PHLPP1: variants seen among roughly 807,000 people sequenced by gnomAD.
PHLPP1 encodes the protein PH domain and leucine rich repeat protein phosphatase 1, also known as PH domain leucine-rich repeat-containing protein phosphatase 1.
Under a neutral mutation model 117.2 loss-of-function variants are expected in PHLPP1, and 42 were observed. That is an observed-to-expected ratio of 0.36 (90% confidence interval 0.28 to 0.46). PHLPP1 has a LOEUF of 0.46. Among genes scored for constraint, PHLPP1 ranks in the 20% least tolerant of loss-of-function variants. PHLPP1 has a pLI of 1.00. For synonymous variants in PHLPP1, 1,042 were observed against 970.7 expected (o/e 1.07, Z -1.37); for missense variants, 2,084 against 2,241.9 (o/e 0.93, Z 1.42).
At chr18:62,796,599 G>A (rs1390415498) in intron 1 of PHLPP1, among the ~76,000 whole-genome samples, 1 of 152,188 alleles carries the variant, frequency 6.6e-6, no homozygotes, top group African/African-American at 2.4e-5. Context: ...ACAGATGGAA[G>A]TATTTGAATA....
rs954287079 is a variant in PHLPP1, at chr18:62,918,853, CAA to C, written c.2805-1096_2805-1095del. ...GGAGTAGATATAAATGTTCTCATCA[CAA>C]AAAAAAAAAGATAAATATGTGAGGT... is the stretch of plus-strand genomic sequence containing the variant. On this transcript the variant is annotated intron_variant, in intron 9 of 16. Coordinates refer to ENST00000262719, the MANE Select transcript of PHLPP1 (RefSeq NM_194449.4). Among the ~76,000 whole-genome samples, 4 of 134,730 alleles carry C rather than the reference CAA, an allele frequency of 3.0e-5. No homozygotes were observed. In the Admixed American group the frequency reaches 3.0e-4, roughly 10 times the overall value. 88.4% of individuals were successfully genotyped at this position (134,730 alleles called of 152,430 possible). A position where few individuals can be genotyped will look rare whatever the true frequency, so the allele number is the denominator to read the frequency against.
intron 1 of PHLPP1, among the ~76,000 whole-genome samples, chr18:62,745,778 G>C (rs1402542475): frequency 6.6e-6 from 1 of 152,118 alleles, no homozygotes; most frequent in Non-Finnish European, 1.5e-5. Flanking sequence ...CTCTTTTAGT[G>C]ACTGAATTGA....
At chr18:62,822,268 T>TTTTTTTG (rs1914483046) in intron 1 of PHLPP1, among the ~76,000 whole-genome samples, 2 of 146,488 alleles carry the variant, frequency 1.4e-5, no homozygotes, top group Non-Finnish European at 3.0e-5. Context: ...AAATAGTGTT[T>TTTTTTTG]TTTTTTTTTT....
At position 62,934,342 on chromosome 18, in the gene PHLPP1, T is replaced by C. The variant is rs560476222; in HGVS notation, c.2961-7376T>C. Among the ~76,000 whole-genome samples, 333 of 152,176 alleles carry C rather than the reference T, an allele frequency of 2.2e-3. 3 individuals carry two copies. Among genetic ancestry groups the C allele is most frequent in the African/African-American group, 7.5e-3 (312 of 41,532 alleles). ...AACCTATGTACCCGTCGGTGGTGAATTGGATAAAGAAAATATGGTACATAT... is the reference window on the plus strand; with the variant it reads ...AACCTATGTACCCGTCGGTGGTGAACTGGATAAAGAAAATATGGTACATAT... On this transcript the variant is annotated intron_variant, in intron 10 of 16. Transcript: ENST00000262719.
At chr18:62,837,618 C>T (rs1568133284) in intron 2 of PHLPP1, 1 of 150,642 alleles carries the variant, frequency 6.6e-6, no homozygotes. Flanking sequence ...TTATCATAGC[C>T]TTCTTTCAAT....
At chr18:62,900,904 TA>T (rs1293073158) in intron 6 of PHLPP1, among the ~76,000 whole-genome samples, 2 of 152,214 alleles carry the variant, frequency 1.3e-5, no homozygotes, top group African/African-American at 4.8e-5. Context: ...AGTCATGCTG[TA>T]CACAATAAAT....
chr18:62,919,830 G>C, intron 9 of PHLPP1, 129 bp from the exon 10 acceptor site: 1 of 684,514 alleles, frequency 1.5e-6, no homozygotes. Flanking sequence ...GAAACAAATA[G>C]TTTCAAGTTT....
chr18:62,918,853 CAAAA>C (rs954287079), intron 9 of PHLPP1, among the ~76,000 whole-genome samples: 3 of 134,746 alleles, frequency 2.2e-5, no homozygotes, highest in Admixed American at 1.5e-4. Context: ...GTTCTCATCA[CAAAA>C]AAAAAAAGAT....
chr18:62,811,862 C>A (rs953077964), intron 1 of PHLPP1, among the ~76,000 whole-genome samples: 1 of 152,086 alleles, frequency 6.6e-6, no homozygotes, highest in Non-Finnish European at 1.5e-5. Context: ...AATCCAGACT[C>A]AACATATTTA....
chr18:62,874,089 C>G (rs1240142805), intron 4 of PHLPP1, among the ~76,000 whole-genome samples: 2 of 150,264 alleles, frequency 1.3e-5, no homozygotes, highest in African/African-American at 4.9e-5. Context: ...GAGGCTGAGA[C>G]AGGAGAATCG....
chr18:62,811,750 T>A (rs1914128818), intron 1 of PHLPP1, among the ~76,000 whole-genome samples: 2 of 152,174 alleles, frequency 1.3e-5, no homozygotes, highest in African/African-American at 4.8e-5. Context: ...AAGAGATTCC[T>A]AATAAGTTGA....
chr18:62,762,415 CT>C (rs368710387), intron 1 of PHLPP1, among the ~76,000 whole-genome samples: 138 of 127,846 alleles, frequency 1.1e-3, no homozygotes, highest in South Asian at 3.3e-3. Flanking sequence ...ATTTTTTTAT[CT>C]TTTTTTTTTT....
At chr18:62,940,455 C>G (rs957202035) in intron 10 of PHLPP1, among the ~76,000 whole-genome samples, 1 of 143,556 alleles carries the variant, frequency 7.0e-6, no homozygotes, top group South Asian at 2.2e-4. Flanking sequence ...AGCTCTGCCT[C>G]CTGGGTTCAC....
chr18:62,787,429 A>G (rs1432991198), intron 1 of PHLPP1, among the ~76,000 whole-genome samples: 1 of 152,124 alleles, frequency 6.6e-6, no homozygotes, highest in Non-Finnish European at 1.5e-5. Context: ...CGGCCTCCCA[A>G]AGTGCTGGGA....
chr18:62,743,291 GCTT>G (rs1911582381), intron 1 of PHLPP1, among the ~76,000 whole-genome samples: 1 of 150,528 alleles, frequency 6.6e-6, no homozygotes. Context: ...CTTAAAAACA[GCTT>G]TTTTTTTTTT....
chr18:62,947,060 A>AAAC lies in PHLPP1; in HGVS notation c.3324+1807_3324+1809dup, dbSNP rs899892989. ...AGAGCGAGACTCCGTCTCAAAAAAC[A>AAAC]AACAACAACAACAACAACAAAAATT... On this transcript the variant is annotated intron_variant, in intron 12 of 16. Coordinates refer to ENST00000262719, the MANE Select transcript of PHLPP1 (RefSeq NM_194449.4). 4.9e-3 allele frequency among the ~76,000 whole-genome samples: 745 copies of AAAC among 152,302 alleles called. 3 individuals are homozygous for AAAC. Among genetic ancestry groups the AAAC allele is most frequent in the African/African-American group, 0.017 (707 of 41,566 alleles).
At chr18:62,828,393 CAT>C (rs1283591438) in intron 1 of PHLPP1, among the ~76,000 whole-genome samples, 4 of 152,186 alleles carry the variant, frequency 2.6e-5, no homozygotes, top group African/African-American at 7.2e-5. Flanking sequence ...GGAAAACTAA[CAT>C]GTGGTAGACA....
At chr18:62,935,200 A>T (rs1909935555) in intron 10 of PHLPP1, among the ~76,000 whole-genome samples, 1 of 152,242 alleles carries the variant, frequency 6.6e-6, no homozygotes, top group Non-Finnish European at 1.5e-5. Flanking sequence ...ATATAAAGTT[A>T]ATATGCAGAA....
intron 1 of PHLPP1, among the ~76,000 whole-genome samples, chr18:62,769,068 T>C (rs1172873554): frequency 2.0e-5 from 3 of 152,212 alleles, no homozygotes; most frequent in Admixed American, 2.0e-4. Context: ...AAAGATAGAC[T>C]AAGTCCTTAA....
Sources: gnomAD v4.1 joint callset for allele counts (sites outside exome capture counted in the v4.1 genomes callset) on GRCh38, gnomAD v4.1.1 for gene constraint, MANE v1.5 for transcripts, NCBI Gene and HGNC (gene_info 2026-07-23, HGNC 2026-07-21) for gene names.